Variants in ATXN1 observed in about 807,000 individuals in gnomAD.
ATXN1 encodes ataxin-1.
Under a neutral mutation model 56.4 loss-of-function variants are expected in ATXN1, and 8 were observed. That is an observed-to-expected ratio of 0.14 (90% confidence interval 0.08 to 0.26). The LOEUF is 0.26. Among genes scored for constraint, ATXN1 ranks in the 10% least tolerant of loss-of-function variants. The pLI is 1.00. For synonymous variants in ATXN1, 514 were observed against 494.6 expected, an observed-to-expected ratio of 1.04 and a Z score of -0.52; for missense variants, 987 against 1,106.5, an observed-to-expected ratio of 0.89 and a Z score of 1.53.
At chr6:16,431,710 A>G (rs1426694888) in intron 6 of ATXN1, among the ~76,000 whole-genome samples, 3 of 152,090 alleles carry the variant, frequency 2.0e-5, no homozygotes, top group Non-Finnish European at 4.4e-5. Context: ...AGGCAGGGAG[A>G]ACTGCCAGAG....
chr6:16,349,911 G>A (rs778089205), intron 6 of ATXN1, among the ~76,000 whole-genome samples: 64 of 152,118 alleles, frequency 4.2e-4, no homozygotes, highest in Admixed American at 2.2e-3. Context: ...TTATTTGAAC[G>A]CAGAACACAT....
At chr6:16,528,274 C>A (rs1417785168) in intron 4 of ATXN1, among the ~76,000 whole-genome samples, 2 of 149,958 alleles carry the variant, frequency 1.3e-5, no homozygotes, top group Non-Finnish European at 3.0e-5. Context: ...GCACTCCAAC[C>A]TGGGCAACAG....
intron 6 of ATXN1, among the ~76,000 whole-genome samples, chr6:16,372,751 A>G (rs1762066122): frequency 6.6e-6 from 1 of 150,712 alleles, no homozygotes; most frequent in African/African-American, 2.4e-5. Context: ...TCATCTCTAC[A>G]AAAAAAAGGT....
intron 2 of ATXN1, among the ~76,000 whole-genome samples, chr6:16,671,312 T>TC (rs1758536933): frequency 6.6e-6 from 1 of 150,470 alleles, no homozygotes; most frequent in Admixed American, 6.6e-5. Flanking sequence ...TTTCTTTCTT[T>TC]TTTTTTTTTT....
intron 7 of ATXN1, among the ~76,000 whole-genome samples, chr6:16,319,229 AT>A (rs1285407037): frequency 6.6e-6 from 1 of 151,990 alleles, no homozygotes; most frequent in Non-Finnish European, 1.5e-5. Flanking sequence ...AAAAAAAAAA[AT>A]GTGCCTTAAA....
intron 5 of ATXN1, among the ~76,000 whole-genome samples, chr6:16,514,364 C>CCT (rs1192567733): frequency 1.3e-5 from 2 of 152,238 alleles, no homozygotes; most frequent in Admixed American, 1.3e-4. Flanking sequence ...GTCCCAGAGC[C>CCT]ATAGGGAGGC....
intron 6 of ATXN1, among the ~76,000 whole-genome samples, chr6:16,338,673 A>G (rs13207978): frequency 0.091 from 13,876 of 152,122 alleles, 988 homozygotes; most frequent in East Asian, 0.39. Context: ...TTATAATTCA[A>G]TAAACATTTC....
chr6:16,584,746 G>C (rs920361238), intron 4 of ATXN1, among the ~76,000 whole-genome samples: 2 of 151,624 alleles, frequency 1.3e-5, no homozygotes, highest in Non-Finnish European at 1.5e-5. Flanking sequence ...GTATTAAGTA[G>C]ACGCTCTCAT....
chr6:16,327,631 AGG>A lies in ATXN1; in HGVS notation c.678_679del (p.Leu227GlnfsTer83). 1 of 1,549,476 alleles carries A rather than the reference AGG, an allele frequency of 6.5e-7. No homozygotes were observed. Reference sequence around the variant, plus strand: ...GGTGATGAGCCCCGGAGCCCTGCTGAGGTGCTGCTGCTGCTGCTGCTGCTGCT... The same window carrying A: ...GGTGATGAGCCCCGGAGCCCTGCTGATGCTGCTGCTGCTGCTGCTGCTGCT... On this transcript the variant is annotated frameshift_variant, in exon 7 of 8. Transcript: ENST00000436367. LOFTEE classifies it high-confidence loss of function.
chr6:16,582,221 T>G (rs1163856774), intron 4 of ATXN1, among the ~76,000 whole-genome samples: 1 of 152,204 alleles, frequency 6.6e-6, no homozygotes, highest in Non-Finnish European at 1.5e-5. Context: ...ACCTCTTGCC[T>G]CCTTTTAGAA....
intron 6 of ATXN1, among the ~76,000 whole-genome samples, chr6:16,351,099 G>T (rs566786265): frequency 6.6e-6 from 1 of 152,112 alleles, no homozygotes; most frequent in South Asian, 2.1e-4. Flanking sequence ...AAAAAATAAA[G>T]AAAATGGAGA....
chr6:16,633,674 C>G (rs370706030), intron 3 of ATXN1, among the ~76,000 whole-genome samples: 131 of 152,290 alleles, frequency 8.6e-4, no homozygotes, highest in African/African-American at 3.1e-3. Flanking sequence ...AAAGGCACAT[C>G]TCACAGGTTG....
rs1028526634 is a variant in ATXN1 at position 16,299,757 on chromosome 6, T to G, written c.*6572A>C. 6.5e-6 allele frequency: 1 copy of G among 152,672 alleles called. No individual in the cohort carries two copies. The highest frequency in any genetic ancestry group is 2.4e-5 in the African/African-American group (1 of 41,458). The allele number at this position is 152,672 out of a possible 1,614,324, so 9.5% of individuals were successfully genotyped here. The stretch of plus-strand genomic sequence containing the variant: ...AGGTCACCACAAATACTGACAGGAC[T>G]ATCTTGAAACCTCCTTTCGGCTGAC... On this transcript the variant is annotated 3_prime_UTR_variant, in exon 8 of 8. Coordinates refer to ENST00000436367, the MANE Select transcript of ATXN1 (RefSeq NM_001128164.2).
chr6:16,525,225 G>A (rs1013093078), intron 4 of ATXN1, among the ~76,000 whole-genome samples: 1 of 152,170 alleles, frequency 6.6e-6, no homozygotes, highest in Middle Eastern at 3.2e-3. Flanking sequence ...CACTTCCTCT[G>A]TTTGTTACAG....
At chr6:16,510,203 T>C (rs2113683105) in intron 5 of ATXN1, among the ~76,000 whole-genome samples, 1 of 152,344 alleles carries the variant, frequency 6.6e-6, no homozygotes, top group African/African-American at 2.4e-5. Flanking sequence ...CTGCATCACC[T>C]AGCAACTTGT....
At chr6:16,533,975 T>C (rs1416621084) in intron 4 of ATXN1, among the ~76,000 whole-genome samples, 1 of 152,092 alleles carries the variant, frequency 6.6e-6, no homozygotes, top group African/African-American at 2.4e-5. Flanking sequence ...CGTTGAGTCA[T>C]GGTTTCTCAG....
At chr6:16,535,774 T>G (rs1406423122) in intron 4 of ATXN1, among the ~76,000 whole-genome samples, 4 of 152,144 alleles carry the variant, frequency 2.6e-5, no homozygotes, top group African/African-American at 9.7e-5. Context: ...AGAGTAACTT[T>G]AAAGTTGACA....
Position 16,306,470 on chromosome 6 carries a change from C to A in ATXN1, c.2307G>T (p.Thr769=). ...TKIEPSKPAA[T]RKRRWSAPES... is the part of the protein sequence containing the mutation. ...CTGGCGCCGACCACCTCCTCTTCCTCGTTGCCGCGGGCTTGCTGGGTTCTA... is the reference window on the plus strand; with the variant it reads ...CTGGCGCCGACCACCTCCTCTTCCTAGTTGCCGCGGGCTTGCTGGGTTCTA... The change falls in exon 8 of 8, where the codon ACG becomes ACT. Residue 769 remains threonine, a synonymous_variant. Coordinates refer to ENST00000436367, the MANE Select transcript of ATXN1 (RefSeq NM_001128164.2). This position sits in a 1 kb window ranked among gnomAD's most constrained non-coding sequence, Gnocchi z 5.2. The A allele has an allele frequency of 6.2e-7, 1 of 1,614,198 alleles. No homozygotes were observed. The highest frequency in any genetic ancestry group is 8.5e-7 in the Non-Finnish European group (1 of 1,180,038).
At chr6:16,710,550 T>C (rs1759501584) in intron 2 of ATXN1, among the ~76,000 whole-genome samples, 1 of 152,184 alleles carries the variant, frequency 6.6e-6, no homozygotes, top group Non-Finnish European at 1.5e-5. Flanking sequence ...TAAAGCTATT[T>C]AGTTTTTAAT....
Sources: gnomAD v4.1 joint callset for allele counts (sites outside exome capture counted in the v4.1 genomes callset) on GRCh38, gnomAD v4.1.1 for gene constraint, Gnocchi (gnomAD v3.1) non-coding constraint, MANE v1.5 for transcripts, NCBI Gene and HGNC (gene_info 2026-07-23, HGNC 2026-07-21) for gene names.